OR9Q1: variants seen among roughly 807,000 people sequenced by gnomAD.
The protein encoded by OR9Q1 is olfactory receptor family 9 subfamily Q member 1.
For synonymous variants in OR9Q1, 153 were observed against 148.6 expected, an observed-to-expected ratio of 1.03 and a Z score of -0.22; for missense variants, 374 against 378.8, an observed-to-expected ratio of 0.99 and a Z score of 0.11.
At chr11:58,067,802 A>C (rs1404964288) in intron 2 of OR9Q1, among the ~76,000 whole-genome samples, 1 of 152,208 alleles carries the variant, frequency 6.6e-6, no homozygotes, top group Admixed American at 6.5e-5. Context: ...AAAGGACTCG[A>C]GTCTCCTGGA....
At chr11:58,158,589 C>T (rs1366874001) in intron 2 of OR9Q1, among the ~76,000 whole-genome samples, 1 of 152,130 alleles carries the variant, frequency 6.6e-6, no homozygotes, top group Admixed American at 6.6e-5. Flanking sequence ...AATGCCTCTA[C>T]TTTCAGCAGT....
intron 2 of OR9Q1, among the ~76,000 whole-genome samples, chr11:58,129,919 A>G (rs1458499800): frequency 6.7e-6 from 1 of 150,282 alleles, no homozygotes; most frequent in Non-Finnish European, 1.5e-5. Flanking sequence ...AGGTGAGTTT[A>G]TTTTATTTTT....
chr11:58,178,315 C>G (rs1262617894), intron 2 of OR9Q1, among the ~76,000 whole-genome samples: 1 of 152,148 alleles, frequency 6.6e-6, no homozygotes, highest in Non-Finnish European at 1.5e-5. Context: ...CTGATTTGAT[C>G]TTTACAAATT....
chr11:58,168,806 C>T (rs1854529233), intron 2 of OR9Q1, among the ~76,000 whole-genome samples: 1 of 152,104 alleles, frequency 6.6e-6, no homozygotes, highest in Non-Finnish European at 1.5e-5. Context: ...TTGTCTAATA[C>T]ATGCATTTCC....
intron 1 of OR9Q1, chr11:58,047,478 C>T (rs1853229245): frequency 3.3e-5 from 5 of 152,196 alleles, no homozygotes; most frequent in Admixed American, 3.3e-4. Context: ...AGCACTTCCC[C>T]ATCTTTGGCG....
chr11:58,104,527 G>A (rs1037978489), intron 2 of OR9Q1, among the ~76,000 whole-genome samples: 4 of 152,150 alleles, frequency 2.6e-5, no homozygotes, highest in South Asian at 2.1e-4. Flanking sequence ...CCGAATATGG[G>A]AGGAGTGATT....
chr11:58,138,943 A>T (rs1565087472), intron 2 of OR9Q1, among the ~76,000 whole-genome samples: 1 of 152,182 alleles, frequency 6.6e-6, no homozygotes, highest in South Asian at 2.1e-4. Context: ...AATGTGTGGT[A>T]TATTTTCTAA....
At chr11:58,060,825 A>G (rs1234455916) in intron 2 of OR9Q1, among the ~76,000 whole-genome samples, 1 of 152,104 alleles carries the variant, frequency 6.6e-6, no homozygotes, top group East Asian at 1.9e-4. Context: ...GAGGATAAGA[A>G]CAAAACACAG....
intron 2 of OR9Q1, among the ~76,000 whole-genome samples, chr11:58,097,051 C>G (rs1328056940): frequency 6.6e-6 from 1 of 152,094 alleles, no homozygotes; most frequent in Non-Finnish European, 1.5e-5. Flanking sequence ...CCATGTTGCT[C>G]AGGTTGGTCT....
chr11:58,040,560 C>G (rs998373070), intron 1 of OR9Q1: 1 of 152,138 alleles, frequency 6.6e-6, no homozygotes, highest in African/African-American at 2.4e-5. Flanking sequence ...GCTGAGAGGC[C>G]ATAGAATGAA....
At chr11:58,046,610 C>T (rs1258106944) in intron 1 of OR9Q1, among the ~76,000 whole-genome samples, 1 of 152,124 alleles carries the variant, frequency 6.6e-6, no homozygotes, top group Non-Finnish European at 1.5e-5. Context: ...ACCTGTAATT[C>T]CAGCACTTTG....
intron 2 of OR9Q1, among the ~76,000 whole-genome samples, chr11:58,080,530 T>C (rs1274088109): frequency 6.6e-6 from 1 of 152,206 alleles, no homozygotes; most frequent in African/African-American, 2.4e-5. Flanking sequence ...CTGGCTTGAA[T>C]GGTAGTTCTA....
intron 2 of OR9Q1, among the ~76,000 whole-genome samples, chr11:58,170,160 T>A (rs1185504891): frequency 6.6e-6 from 1 of 152,108 alleles, no homozygotes; most frequent in Non-Finnish European, 1.5e-5. Context: ...GGCATAAGTA[T>A]CCCTTTTTTC....
chr11:58,037,329 A>C (rs1297320104), intron 1 of OR9Q1, among the ~76,000 whole-genome samples: 3 of 152,094 alleles, frequency 2.0e-5, no homozygotes, highest in Admixed American at 1.3e-4. Flanking sequence ...GGAAACTAAA[A>C]ATTTGTGTGA....
intron 2 of OR9Q1, among the ~76,000 whole-genome samples, chr11:58,155,104 A>G (rs2119906617): frequency 6.6e-6 from 1 of 152,316 alleles, no homozygotes; most frequent in South Asian, 2.1e-4. Context: ...GGGGGCTGGC[A>G]GTCTGAAATT....
chr11:58,038,827 G>C (rs1263858845), intron 1 of OR9Q1, among the ~76,000 whole-genome samples: 1 of 151,912 alleles, frequency 6.6e-6, no homozygotes, highest in African/African-American at 2.4e-5. Flanking sequence ...TCGTTTTTCA[G>C]GGTTCTTAGT....
intron 2 of OR9Q1, among the ~76,000 whole-genome samples, chr11:58,159,464 A>C (rs1854438061): frequency 1.3e-5 from 2 of 152,002 alleles, no homozygotes; most frequent in Admixed American, 1.3e-4. Flanking sequence ...TAAAAAAAAA[A>C]ACAGTCATTA....
intron 2 of OR9Q1, among the ~76,000 whole-genome samples, chr11:58,071,490 AT>A (rs1853487368): frequency 6.6e-6 from 1 of 151,994 alleles, no homozygotes; most frequent in Admixed American, 6.6e-5. Context: ...TAAAAAAAAA[AT>A]AAAATAAAAA....
intron 2 of OR9Q1, among the ~76,000 whole-genome samples, chr11:58,097,180 G>T (rs1853740420): frequency 6.6e-6 from 1 of 152,078 alleles, no homozygotes; most frequent in Non-Finnish European, 1.5e-5. Context: ...TTTGAGATTT[G>T]CCCATGTCGT....
Sources: allele counts gnomAD v4.1 joint callset (sites outside exome capture counted in the v4.1 genomes callset), GRCh38; gene constraint gnomAD v4.1.1; transcripts MANE v1.5; gene names NCBI Gene and HGNC (gene_info 2026-07-23, HGNC 2026-07-21).